Variants in PAOX observed in about 807,000 individuals in gnomAD.
PAOX encodes the protein polyamine oxidase.
A neutral mutation model predicts 39.0 loss-of-function variants in PAOX; 38 were observed. The ratio of observed to expected loss-of-function variants is 0.97; its 90% CI spans 0.75 to 1.28. PAOX has a LOEUF of 1.28. Among genes scored for constraint, PAOX ranks in the 50% most tolerant of loss-of-function variants. The pLI is 0.00. For synonymous variants in PAOX, 311 were observed against 314.4 expected, an observed-to-expected ratio of 0.99 and a Z score of 0.11; for missense variants, 667 against 685.7, an observed-to-expected ratio of 0.97 and a Z score of 0.30.
Position 133,379,503 on chromosome 10 carries a change from C to T in PAOX, c.181+6C>T, listed in dbSNP as rs1564809101. The T allele has an allele frequency of 8.2e-7, 1 of 1,225,698 alleles. No individual in the cohort carries two copies. The highest frequency in any genetic ancestry group is 1.0e-6 in the Non-Finnish European group (1 of 984,122). The allele number at this position is 1,225,698 out of a possible 1,614,324, so 75.9% of individuals were successfully genotyped here. A position where few individuals can be genotyped will look rare whatever the true frequency, so the allele number is the denominator to read the frequency against. Reference sequence around the variant, plus strand: ...CCGCTCGGAGCGCTGCTTCGGTAACCGCCCCTCCCGGAGCCCCTCCCGGAA... The same window carrying T: ...CCGCTCGGAGCGCTGCTTCGGTAACTGCCCCTCCCGGAGCCCCTCCCGGAA... On this transcript the variant is annotated splice_donor_region_variant and intron_variant, in intron 1 of 6. Transcript: ENST00000278060.
intron 1 of PAOX, 142 bp downstream of exon 1, chr10:133,379,639 A>G: frequency 1.4e-6 from 1 of 723,744 alleles, no homozygotes; most frequent in Non-Finnish European, 1.9e-6. Flanking sequence ...TTAATCCGCC[A>G]GAGTTCACCG....
chr10:133,379,737 C>A, intron 1 of PAOX: 1 of 544,692 alleles, frequency 1.8e-6, no homozygotes, highest in African/African-American at 1.9e-5. Flanking sequence ...TGATTCTGCC[C>A]CACGGGGGCC....
Position 133,388,995 on chromosome 10 carries a change from G to C in PAOX, c.1161G>C (p.Glu387Asp). The C allele has an allele frequency of 2.5e-6, 4 of 1,614,134 alleles. No homozygotes were observed. In the South Asian group the frequency reaches 3.3e-5, roughly 13 times the overall value. ...HVLCGFIAGL[E>D]SEFMETLSDE... ...TCTGTGGGTTCATTGCCGGACTTGA[G>C]TCTGAGTTCATGGAGACTCTGTCGG... is the stretch of plus-strand genomic sequence containing the variant. Residue 387 changes from glutamate (E) to aspartate (D), a missense_variant, in exon 5 of 7, where the codon GAG (glutamate) becomes GAC (aspartate). Glu to Asp is a conservative substitution (Grantham distance 45). Transcript: ENST00000278060.
rs745747705 is a variant in PAOX, at chr10:133,384,566, G to A, written c.1121+354G>A. Among the ~76,000 whole-genome samples, 7 of 152,214 alleles carry A rather than the reference G, an allele frequency of 4.6e-5. No individual in the cohort carries two copies. The highest frequency in any genetic ancestry group is 7.3e-5 in the Non-Finnish European group (5 of 68,042). On this transcript the variant is annotated intron_variant, in intron 4 of 6. Coordinates refer to ENST00000278060, the MANE Select transcript of PAOX (RefSeq NM_152911.4). This position sits in a 1 kb window ranked among gnomAD's most constrained non-coding sequence, Gnocchi z 4.3. ...GAAACACCATCTGCCCATACGTGGG[G>A]AGACAATACTTAAATGGGATGAAAT... is the stretch of plus-strand genomic sequence containing the variant.
Position 133,389,632 on chromosome 10 carries a change from G to A in PAOX, c.1277G>A (p.Arg426His), listed in dbSNP as rs761492325. ...LPAPKSVLRS[R>H]WHSAPYTRGS... ...GCGCCCAAGAGCGTCCTGCGGTCTC[G>A]CTGGCACAGCGCCCCGTACACTAGG... Residue 426 changes from arginine to histidine, a missense_variant, in exon 6 of 7, where the codon CGC (arginine) becomes CAC (histidine). Physicochemically the swap from Arg to His is conservative, Grantham distance 29. Transcript: ENST00000278060. The A allele has an allele frequency of 5.6e-6, 9 of 1,613,436 alleles. No homozygotes were observed. In the Admixed American group the frequency reaches 1.5e-4, roughly 27 times the overall value.
chr10:133,387,641 CGT>C (rs1314022916), intron 4 of PAOX, among the ~76,000 whole-genome samples: 1 of 152,240 alleles, frequency 6.6e-6, no homozygotes, highest in Non-Finnish European at 1.5e-5. Flanking sequence ...CCTGGAATAG[CGT>C]GTGCTAGGTG....
chr10:133,389,425 G>C (rs1849609775), intron 5 of PAOX, among the ~76,000 whole-genome samples, 165 bp from the exon 6 acceptor site: 1 of 152,178 alleles, frequency 6.6e-6, no homozygotes, highest in African/African-American at 2.4e-5. Context: ...ACTGCTCTCG[G>C]GTCAGAGGCG....
intron 6 of PAOX, chr10:133,390,711 C>T (rs1159215133): frequency 1.7e-5 from 9 of 540,962 alleles, no homozygotes; most frequent in Non-Finnish European, 2.3e-5. Context: ...CTTCAGTGAA[C>T]CTGCTTGGAA....
chr10:133,391,501 G>C lies in PAOX; in HGVS notation c.*46G>C. The C allele has an allele frequency of 6.4e-7, 1 of 1,557,974 alleles. No homozygotes were observed. Among genetic ancestry groups the C allele is most frequent in the South Asian group, 1.2e-5 (1 of 83,646 alleles). The stretch of plus-strand genomic sequence containing the variant: ...TCCACCCGTGTCGGGGGTAGGCTGG[G>C]ACCCTCATTTCTTCTGACAGATTTC... On this transcript the variant is annotated 3_prime_UTR_variant, in exon 7 of 7. Transcript: ENST00000278060.
rs980331551 is a variant in PAOX, at chr10:133,389,699, C to G, written c.1344C>G (p.Asp448Glu). ...SYVAVGSTGG[D>E]LDLLAQPLPA... ...TGGCCGTGGGCAGTACTGGGGGCGA[C>G]CTGGACCTGCTGGCTCAGCCCCTCC... Residue 448 changes from aspartate to glutamate, a missense_variant, in exon 6 of 7, where the codon GAC becomes GAG. Coordinates refer to ENST00000278060, the MANE Select transcript of PAOX (RefSeq NM_152911.4). 1 of 1,595,494 alleles carries G rather than the reference C, an allele frequency of 6.3e-7. No individual in the cohort carries two copies. Among genetic ancestry groups the G allele is most frequent in the Non-Finnish European group, 8.6e-7 (1 of 1,168,370 alleles).
chr10:133,385,396 A>G (rs1217268658), intron 4 of PAOX, among the ~76,000 whole-genome samples: 1 of 151,960 alleles, frequency 6.6e-6, no homozygotes, highest in Non-Finnish European at 1.5e-5. Flanking sequence ...CACCTGCTCC[A>G]GGCCCAGCCC....
At chr10:133,380,513 G>T in intron 2 of PAOX, 28 bp downstream of exon 2, 1 of 1,569,212 alleles carries the variant, frequency 6.4e-7, no homozygotes, top group Admixed American at 1.8e-5. Flanking sequence ...TGCCCCGCCA[G>T]TCCTCCCACC....
In PAOX at chr10:133,384,345, C is replaced by T. The variant is rs532484795; in HGVS notation, c.1121+133C>T. ...AATGGGTAGGGTTCCCATGAGCGCC[C>T]CCCCACCAGGTGCTGGCTGCACCTG... On this transcript the variant is annotated intron_variant, in intron 4 of 6. Transcript: ENST00000278060. The surrounding 1 kb of genome is among the most constrained non-coding windows in gnomAD (Gnocchi z 4.3). 41 of 1,380,434 alleles carry T rather than the reference C, an allele frequency of 3.0e-5. No individual in the cohort carries two copies. The Admixed American group carries it at 9.4e-4, about 32-fold the overall frequency. The allele number at this position is 1,380,434 out of a possible 1,614,324, so 85.5% of individuals were successfully genotyped here. A position where few individuals can be genotyped will look rare whatever the true frequency, so the allele number is the denominator to read the frequency against.
At chr10:133,386,918 A>G (rs1054121942) in intron 4 of PAOX, among the ~76,000 whole-genome samples, 11 of 152,222 alleles carry the variant, frequency 7.2e-5, no homozygotes, top group Non-Finnish European at 1.6e-4. Flanking sequence ...GTCTTCTGTG[A>G]CACTGAAATC....
chr10:133,389,056 C>T lies in PAOX; in HGVS notation c.1222C>T (p.Arg408Trp), dbSNP rs767920735. 7.4e-6 allele frequency: 12 copies of T among 1,612,870 alleles called. No homozygotes were observed. Among genetic ancestry groups the T allele is most frequent in the Admixed American group, 3.3e-5 (2 of 59,996 alleles). Residue 408 changes from arginine to tryptophan, a missense_variant, in exon 5 of 7, where the codon CGG (arginine) becomes TGG (tryptophan). By Grantham distance (101) the Arg-to-Trp change is moderately radical. Coordinates refer to ENST00000278060, the MANE Select transcript of PAOX (RefSeq NM_152911.4). ...ACTTCTGTGTCTCACCCAAGTGCTC[C>T]GGAGAGTGACAGGTAGGTACTCACC... ...EVLLCLTQVL[R>W]RVTGNPRLPA...
At chr10:133,381,395 A>T in intron 2 of PAOX, 65 bp from the exon 3 acceptor site, 1 of 1,512,122 alleles carries the variant, frequency 6.6e-7, no homozygotes, top group Non-Finnish European at 9.1e-7. Flanking sequence ...CAGAGCACGT[A>T]TTTCCACCAG....
chr10:133,388,677 C>T (rs559785711), intron 4 of PAOX, among the ~76,000 whole-genome samples: 33 of 152,340 alleles, frequency 2.2e-4, no homozygotes, highest in Non-Finnish European at 4.1e-4. Flanking sequence ...GCAGGGCCTT[C>T]GGACCCCCAG....
chr10:133,388,023 G>A (rs1233209453), intron 4 of PAOX, among the ~76,000 whole-genome samples: 4 of 152,090 alleles, frequency 2.6e-5, no homozygotes, highest in Non-Finnish European at 4.4e-5. Context: ...GGCCCTCCAC[G>A]CAGATTATTA....
At chr10:133,389,141 T>A in intron 5 of PAOX, 73 bp downstream of exon 5, 1 of 1,291,152 alleles carries the variant, frequency 7.7e-7, no homozygotes, top group Non-Finnish European at 1.1e-6. Context: ...AAACTAGACT[T>A]TGCAGAACAG....
Sources: allele counts gnomAD v4.1 joint callset (sites outside exome capture counted in the v4.1 genomes callset), GRCh38; gene constraint gnomAD v4.1.1; non-coding constraint Gnocchi (gnomAD v3.1); transcripts MANE v1.5; gene names NCBI Gene and HGNC (gene_info 2026-07-23, HGNC 2026-07-21).